The following CPNE4 variants were observed in gnomAD, a reference collection of about 807,000 sequenced individuals.
CPNE4 encodes copine-4.
In CPNE4, 25 loss-of-function variants were observed where a neutral mutation model predicts 67.9. That is an observed-to-expected ratio of 0.37 (90% CI 0.27 to 0.51). The LOEUF (loss-of-function observed/expected upper bound fraction) is 0.51, where lower values mean the gene tolerates loss of function less well. Ranked by LOEUF, CPNE4 falls within the 20% of genes least tolerant of loss-of-function variation. The pLI, the probability that CPNE4 is intolerant of heterozygous loss-of-function variation, is 0.93. For missense variants in CPNE4, 464 were observed against 690.8 expected (o/e 0.67, Z 3.68); for synonymous variants, 242 against 244.9 (o/e 0.99, Z 0.11).
chr3:131,952,171 C>A (rs1018703136), intron 1 of CPNE4, among the ~76,000 whole-genome samples: 177 of 148,906 alleles, frequency 1.2e-3, no homozygotes, highest in Non-Finnish European at 1.2e-3. Flanking sequence ...CATCTCTGCC[C>A]GGCCGCCCAT....
rs76040363 is a variant in CPNE4, at chr3:131,586,840, G to A, written c.780+644C>T. Among the ~76,000 whole-genome samples, 357 of 152,204 alleles carry A rather than the reference G, an allele frequency of 2.3e-3. 2 individuals carry two copies. The highest frequency in any genetic ancestry group is 7.7e-3 in the African/African-American group (321 of 41,536). On this transcript the variant is annotated intron_variant, in intron 8 of 15. Coordinates refer to ENST00000429747, the MANE Select transcript of CPNE4 (RefSeq NM_130808.3). The stretch of plus-strand genomic sequence containing the variant: ...ACAGAAGGGGTTTGGGTTTCTGTGT[G>A]GGACAGTGTGTCTTAGTGGTATGTG...
At chr3:131,956,072 A>G (rs181690069) in intron 1 of CPNE4, among the ~76,000 whole-genome samples, 215 of 150,780 alleles carry the variant, frequency 1.4e-3, no homozygotes, top group African/African-American at 5.0e-3. Context: ...CATTCCTGAA[A>G]TAAATTCTTC....
chr3:131,897,843 G>C (rs536811983), intron 2 of CPNE4, among the ~76,000 whole-genome samples: 27 of 152,052 alleles, frequency 1.8e-4, no homozygotes, highest in African/African-American at 6.5e-4. Flanking sequence ...AGTGAGCTAT[G>C]ATTGCACCAC....
chr3:131,941,616 T>A (rs2071390587), intron 1 of CPNE4, among the ~76,000 whole-genome samples: 1 of 152,118 alleles, frequency 6.6e-6, no homozygotes, highest in African/African-American at 2.4e-5. Context: ...TTATTGTTAC[T>A]TTAATGCAAA....
At chr3:131,997,675 T>A (rs2073329556) in intron 1 of CPNE4, among the ~76,000 whole-genome samples, 1 of 152,066 alleles carries the variant, frequency 6.6e-6, no homozygotes, top group Non-Finnish European at 1.5e-5. Flanking sequence ...TTTTATTAGG[T>A]GCAATATGGA....
At chr3:131,925,353 C>T (rs1426201093) in intron 1 of CPNE4, among the ~76,000 whole-genome samples, 1 of 152,096 alleles carries the variant, frequency 6.6e-6, no homozygotes, top group Non-Finnish European at 1.5e-5. Flanking sequence ...TCAATGCTCT[C>T]CTAACACCCT....
chr3:131,657,536 T>A (rs2080004252), intron 7 of CPNE4, among the ~76,000 whole-genome samples: 1 of 35,540 alleles, frequency 2.8e-5, no homozygotes, highest in Non-Finnish European at 7.7e-5. Flanking sequence ...ATCTGTATTT[T>A]TTTTTTTTTT....
intron 14 of CPNE4, among the ~76,000 whole-genome samples, chr3:131,545,571 GTAT>G (rs1331229637): frequency 5.3e-5 from 8 of 152,190 alleles, no homozygotes; most frequent in Middle Eastern, 3.4e-3. Flanking sequence ...ATATTTCAAT[GTAT>G]TATTTATGTT....
chr3:131,542,380 G>A (rs765985221), intron 15 of CPNE4, among the ~76,000 whole-genome samples, 177 bp downstream of exon 15: 8 of 152,062 alleles, frequency 5.3e-5, no homozygotes, highest in South Asian at 2.1e-4. Context: ...GGGAGATGAC[G>A]TGGCCCAGGA....
At chr3:131,602,318 G>A (rs1307840551) in intron 7 of CPNE4, among the ~76,000 whole-genome samples, 1 of 152,062 alleles carries the variant, frequency 6.6e-6, no homozygotes, top group East Asian at 1.9e-4. Flanking sequence ...ACAATCAAGG[G>A]CCATCCTGTT....
chr3:131,749,062 A>G (rs1234806824), intron 2 of CPNE4, among the ~76,000 whole-genome samples: 1 of 151,998 alleles, frequency 6.6e-6, no homozygotes, highest in Admixed American at 6.6e-5. Flanking sequence ...CCTCTTTTCT[A>G]ATATGTGCAT....
chr3:131,879,952 A>G (rs1477974263), intron 2 of CPNE4, among the ~76,000 whole-genome samples: 2 of 152,044 alleles, frequency 1.3e-5, no homozygotes, highest in African/African-American at 2.4e-5. Context: ...CCTCTTCCCA[A>G]TGTAAAGTTG....
intron 2 of CPNE4, among the ~76,000 whole-genome samples, chr3:131,762,176 A>G (rs1021228680): frequency 5.9e-5 from 9 of 152,114 alleles, no homozygotes; most frequent in Non-Finnish European, 1.2e-4. Context: ...ATCCTAAGTA[A>G]GGAAGCCTTA....
intron 7 of CPNE4, among the ~76,000 whole-genome samples, chr3:131,650,744 C>CAAAAAAAAAAAAAAA (rs141219633): frequency 2.6e-4 from 16 of 61,196 alleles, no homozygotes; most frequent in Middle Eastern, 0.015. Context: ...GACTCCGTCT[C>CAAAAAAAAAAAAAAA]AAAAAAAAAA....
chr3:131,617,017 T>C (rs922821082), intron 7 of CPNE4, among the ~76,000 whole-genome samples: 2 of 152,188 alleles, frequency 1.3e-5, no homozygotes, highest in Non-Finnish European at 2.9e-5. Context: ...CTTCTGATTG[T>C]CACTTGTATG....
intron 2 of CPNE4, among the ~76,000 whole-genome samples, chr3:131,788,973 C>A (rs2083637796): frequency 6.6e-6 from 1 of 150,740 alleles, no homozygotes; most frequent in Non-Finnish European, 1.5e-5. Context: ...TCACACTGTG[C>A]ACATATTAAT....
intron 1 of CPNE4, among the ~76,000 whole-genome samples, chr3:131,928,689 T>G (rs1312269658): frequency 6.6e-6 from 1 of 152,218 alleles, no homozygotes; most frequent in Non-Finnish European, 1.5e-5. Context: ...TTGGCCATGC[T>G]TGTTAGAGCA....
intron 15 of CPNE4, among the ~76,000 whole-genome samples, chr3:131,536,582 C>T (rs76706533): frequency 4.6e-5 from 7 of 152,330 alleles, no homozygotes; most frequent in South Asian, 2.1e-4. Context: ...TACTAAGCCC[C>T]GCTGTTCTTA....
chr3:131,564,101 G>A, intron 11 of CPNE4, 115 bp downstream of exon 11: 1 of 1,237,748 alleles, frequency 8.1e-7, no homozygotes, highest in Non-Finnish European at 1.2e-6. Context: ...AACTTTTGAA[G>A]TCACTACATA....
Sources: allele counts gnomAD v4.1 joint callset (sites outside exome capture counted in the v4.1 genomes callset), GRCh38; gene constraint gnomAD v4.1.1; transcripts MANE v1.5; gene names NCBI Gene and HGNC (gene_info 2026-07-23, HGNC 2026-07-21).